The following HECTD2 variants were observed in gnomAD, a reference collection of about 807,000 sequenced individuals.
The protein encoded by HECTD2 is probable E3 ubiquitin-protein ligase HECTD2.
In HECTD2, 35 loss-of-function variants were observed where a neutral mutation model predicts 103.2. That is an observed-to-expected ratio of 0.34 (90% CI 0.26 to 0.45). The LOEUF is 0.45. Among genes scored for constraint, HECTD2 ranks in the 20% least tolerant of loss-of-function variants. The probability of loss-of-function intolerance (pLI) is 1.00; values close to 1 mark genes in which losing one functional copy is unlikely to be tolerated. For synonymous variants in HECTD2, 281 were observed against 329.9 expected, an observed-to-expected ratio of 0.85 and a Z score of 1.61; for missense variants, 596 against 937.4, an observed-to-expected ratio of 0.64 and a Z score of 4.76.
chr10:91,450,943 G>A (rs1027338298), intron 2 of HECTD2, among the ~76,000 whole-genome samples: 7 of 152,192 alleles, frequency 4.6e-5, no homozygotes, highest in African/African-American at 1.7e-4. Flanking sequence ...CATTGTGGAA[G>A]ATGGTGTGGT....
intron 5 of HECTD2, among the ~76,000 whole-genome samples, chr10:91,473,488 TAAGA>T (rs1818698586): frequency 1.3e-5 from 2 of 152,140 alleles, no homozygotes; most frequent in South Asian, 4.1e-4. Flanking sequence ...ATCTGAGATA[TAAGA>T]AAGAATGATG....
At chr10:91,499,270 T>C in intron 18 of HECTD2, 120 bp downstream of exon 18, 1 of 619,068 alleles carries the variant, frequency 1.6e-6, no homozygotes, top group Non-Finnish European at 2.7e-6. Context: ...TTCTACTTTT[T>C]AAAAGTAGAA....
chr10:91,460,137 T>C (rs1370789108), intron 2 of HECTD2, among the ~76,000 whole-genome samples: 1 of 151,952 alleles, frequency 6.6e-6, no homozygotes, highest in Non-Finnish European at 1.5e-5. Flanking sequence ...AGGAAAGAAA[T>C]GCTAAATTAC....
At chr10:91,434,144 A>ATCACAG (rs1844013873) in intron 2 of HECTD2, among the ~76,000 whole-genome samples, 2 of 152,124 alleles carry the variant, frequency 1.3e-5, no homozygotes, top group African/African-American at 4.8e-5. Context: ...CCTGTGAGTC[A>ATCACAG]GACTTTTTTT....
In HECTD2 at chr10:91,493,430, A is replaced by G. The variant is rs749079428; in HGVS notation, c.1443A>G (p.Thr481=). 2 of 1,518,312 alleles carry G rather than the reference A, an allele frequency of 1.3e-6. No individual in the cohort carries two copies. Among genetic ancestry groups the G allele is most frequent in the East Asian group, 2.5e-5 (1 of 40,490 alleles). 94.1% of individuals were successfully genotyped at this position (1,518,312 alleles called of 1,614,324 possible). A position where few individuals can be genotyped will look rare whatever the true frequency, so the allele number is the denominator to read the frequency against. ...QIFHPDYGMF[T]YHKDSHCHWF... ...CGTGTGTTTTTTTAGGCATGTTTAC[A>G]TATCACAAGGATTCACACTGCCATT... is the stretch of plus-strand genomic sequence containing the variant. The change falls in exon 14 of 21, where the codon ACA becomes ACG. Residue 481 remains threonine (T), a synonymous_variant. Transcript: ENST00000298068.
In HECTD2 at chr10:91,512,436, A is replaced by G. The variant is rs570726131; in HGVS notation, c.*52A>G. On this transcript the variant is annotated 3_prime_UTR_variant, in exon 21 of 21. Transcript: ENST00000298068. ...TATATGTAGCATTCACTTCCCTCTT[A>G]CTGTGCCTTTAGCCTTTTCATGTTT... 14 of 1,514,980 alleles carry G rather than the reference A, an allele frequency of 9.2e-6. No homozygotes were observed. In the South Asian group the frequency reaches 1.3e-4, roughly 14 times the overall value. 93.8% of individuals were successfully genotyped at this position (1,514,980 alleles called of 1,614,324 possible).
At chr10:91,451,752 A>G (rs973150199) in intron 2 of HECTD2, among the ~76,000 whole-genome samples, 6 of 152,260 alleles carry the variant, frequency 3.9e-5, no homozygotes, top group Non-Finnish European at 8.8e-5. Context: ...ATTAAAGTTG[A>G]TGGTAGAGCC....
intron 1 of HECTD2, among the ~76,000 whole-genome samples, chr10:91,413,015 G>A (rs1292484730): frequency 6.6e-6 from 1 of 152,044 alleles, no homozygotes; most frequent in African/African-American, 2.4e-5. Flanking sequence ...TTTTCTTTGA[G>A]ACATTCCAGT....
At chr10:91,480,305 G>A (rs1208811389) in intron 6 of HECTD2, among the ~76,000 whole-genome samples, 2 of 152,128 alleles carry the variant, frequency 1.3e-5, no homozygotes, top group African/African-American at 4.8e-5. Context: ...GAAAGGACTT[G>A]GAGGAATAGG....
At chr10:91,492,057 T>TA (rs1193852619) in intron 12 of HECTD2, among the ~76,000 whole-genome samples, 9 of 152,044 alleles carry the variant, frequency 5.9e-5, no homozygotes, top group East Asian at 1.9e-4. Context: ...GAGTTTTTTT[T>TA]AAAAAAAGAA....
rs982003854 is a variant in HECTD2, at chr10:91,512,915, G to C, written c.*531G>C. 6.5e-6 allele frequency: 1 copy of C among 152,830 alleles called. No individual in the cohort carries two copies. The highest frequency in any genetic ancestry group is 1.5e-5 in the Non-Finnish European group (1 of 68,186). The allele number at this position is 152,830 out of a possible 1,614,324, so 9.5% of individuals were successfully genotyped here. A position where few individuals can be genotyped will look rare whatever the true frequency, so the allele number is the denominator to read the frequency against. ...GGGACCTATAAGATTCTTCTCAGCA[G>C]TTGCTGAAAAGCATGTAAATAACTA... On this transcript the variant is annotated 3_prime_UTR_variant, in exon 21 of 21. Transcript: ENST00000298068.
intron 5 of HECTD2, 146 bp from the exon 6 acceptor site, chr10:91,478,055 A>G: frequency 3.4e-6 from 2 of 590,074 alleles, no homozygotes; most frequent in South Asian, 2.2e-5. Context: ...GAGTTCTTAA[A>G]TGTAAAATCA....
At chr10:91,456,133 G>T (rs1845079091) in intron 2 of HECTD2, among the ~76,000 whole-genome samples, 1 of 152,146 alleles carries the variant, frequency 6.6e-6, no homozygotes, top group African/African-American at 2.4e-5. Flanking sequence ...GCCTGATGGG[G>T]GGGTGGCATT....
At chr10:91,416,539 T>C (rs574440355) in intron 1 of HECTD2, among the ~76,000 whole-genome samples, 3 of 152,066 alleles carry the variant, frequency 2.0e-5, no homozygotes, top group African/African-American at 7.3e-5. Context: ...TCATATAACC[T>C]AGGTGTGTAG....
At chr10:91,493,094 G>C (rs1033246988) in intron 13 of HECTD2, among the ~76,000 whole-genome samples, 2 of 151,540 alleles carry the variant, frequency 1.3e-5, no homozygotes, top group Admixed American at 1.3e-4. Flanking sequence ...AATTAATTTT[G>C]ATCATAATTT....
At chr10:91,430,023 T>A (rs1355609479) in intron 2 of HECTD2, among the ~76,000 whole-genome samples, 1 of 152,224 alleles carries the variant, frequency 6.6e-6, no homozygotes. Context: ...TTTAGTGCTA[T>A]AAATTTCCCT....
chr10:91,464,034 A>G (rs1003991501), intron 5 of HECTD2, among the ~76,000 whole-genome samples: 1 of 152,188 alleles, frequency 6.6e-6, no homozygotes, highest in Non-Finnish European at 1.5e-5. Context: ...ACCTAAGGCA[A>G]TCTAGTCCTC....
At chr10:91,484,427 ATGTAGT>A in intron 8 of HECTD2, 74 bp from the exon 9 acceptor site, 1 of 1,506,006 alleles carries the variant, frequency 6.6e-7, no homozygotes. Flanking sequence ...GTGGCTTAGG[ATGTAGT>A]TTAATATCTA....
At position 91,443,987 on chromosome 10, in the gene HECTD2, A is replaced by C. The variant is rs553235813; in HGVS notation, c.269-16440A>C. Among the ~76,000 whole-genome samples, 3 of 152,272 alleles carry C rather than the reference A, an allele frequency of 2.0e-5. No homozygotes were observed. In the East Asian group the frequency reaches 5.8e-4, roughly 29 times the overall value. Reference sequence around the variant, plus strand: ...TGGCTTCTTATAGATTATATTTGGTAATCTTTATGAAAGGGAAAGAAAAGG... The same window carrying C: ...TGGCTTCTTATAGATTATATTTGGTCATCTTTATGAAAGGGAAAGAAAAGG... On this transcript the variant is annotated intron_variant, in intron 2 of 20. Transcript: ENST00000298068.
Sources: allele counts gnomAD v4.1 joint callset (sites outside exome capture counted in the v4.1 genomes callset), GRCh38; gene constraint gnomAD v4.1.1; transcripts MANE v1.5; gene names NCBI Gene and HGNC (gene_info 2026-07-23, HGNC 2026-07-21).